Variants in DRG1 observed in about 807,000 individuals in gnomAD.
DRG1 encodes the protein developmentally-regulated GTP-binding protein 1.
In DRG1, 19 loss-of-function variants were observed where a neutral mutation model predicts 38.8. The ratio of observed to expected loss-of-function variants is 0.49; its 90% CI spans 0.34 to 0.72. DRG1 has a LOEUF of 0.72. Ranked by LOEUF, DRG1 falls within the 30% of genes least tolerant of loss-of-function variation. DRG1 has a pLI of 0.01. For missense variants in DRG1, 299 were observed against 444.8 expected (o/e 0.67, Z 2.95); for synonymous variants, 167 against 157.5 (o/e 1.06, Z -0.45).
intron 8 of DRG1, among the ~76,000 whole-genome samples, chr22:31,432,677 G>A: frequency 6.6e-6 from 1 of 151,130 alleles, no homozygotes; most frequent in East Asian, 2.0e-4. Context: ...CCGCCCGCCT[G>A]GGCCTCCCAA....
At chr22:31,405,939 C>T (rs1280909575) in intron 3 of DRG1, among the ~76,000 whole-genome samples, 2 of 151,664 alleles carry the variant, frequency 1.3e-5, no homozygotes, top group African/African-American at 2.4e-5. Flanking sequence ...CCACCCGCCT[C>T]GGCCTCCCAA....
intron 8 of DRG1, among the ~76,000 whole-genome samples, chr22:31,427,888 C>T (rs540543374): frequency 6.6e-6 from 1 of 152,078 alleles, no homozygotes; most frequent in Non-Finnish European, 1.5e-5. Context: ...CATGTGCCAC[C>T]CACCATGCCC....
chr22:31,409,197 G>A (rs2050005600), intron 3 of DRG1, among the ~76,000 whole-genome samples: 1 of 152,116 alleles, frequency 6.6e-6, no homozygotes, highest in South Asian at 2.1e-4. Context: ...CCATTCTTGT[G>A]CCTCAGCCTC....
At position 31,429,889 on chromosome 22, in the gene DRG1, A is replaced by T. The variant is rs533476064; in HGVS notation, c.1004+2707A>T. ...GGTCTCCAATGCCTGGGCTCTAGTG[A>T]TCCGCCTACCTTCACCTCCCAAAGT... On this transcript the variant is annotated intron_variant, in intron 8 of 8. Transcript: ENST00000331457. Among the ~76,000 whole-genome samples the T allele has an allele frequency of 1.6e-4, 24 of 152,116 alleles. No individual in the cohort carries two copies. In the South Asian group the frequency reaches 4.8e-3, roughly 30 times the overall value.
In DRG1 at chr22:31,400,696, G is replaced by A; in HGVS notation, c.119G>A (p.Arg40Gln). Reference sequence around the variant, plus strand: ...AAGGCTCGTCTTGCTAAGCTTCGTCGAGAACTCATTACTCCAAAGGGTGGT... The same window carrying A: ...AAGGCTCGTCTTGCTAAGCTTCGTCAAGAACTCATTACTCCAAAGGGTGGT... ...LLKARLAKLR[R>Q]ELITPKGGGG... Residue 40 changes from arginine to glutamine, a missense_variant, in exon 2 of 9, where the codon CGA (arginine) becomes CAA (glutamine). Physicochemically the swap from Arg to Gln is conservative, Grantham distance 43. This residue lies in a region of DRG1 where 51 missense variants were observed against 56.1 expected (regional missense o/e 0.91). Transcript: ENST00000331457. The A allele has an allele frequency of 6.2e-7, 1 of 1,613,414 alleles. No individual in the cohort carries two copies. Among genetic ancestry groups the A allele is most frequent in the Non-Finnish European group, 8.5e-7 (1 of 1,179,592 alleles).
chr22:31,426,051 A>C (rs2050108445), intron 6 of DRG1, among the ~76,000 whole-genome samples: 1 of 152,206 alleles, frequency 6.6e-6, no homozygotes, highest in Non-Finnish European at 1.5e-5. Context: ...TGTACCAATA[A>C]ATAAAACACT....
intron 3 of DRG1, among the ~76,000 whole-genome samples, chr22:31,404,914 C>T (rs2049981196): frequency 1.3e-5 from 2 of 152,132 alleles, no homozygotes; most frequent in Non-Finnish European, 2.9e-5. Context: ...TGAGCCACTG[C>T]ACCAGGCCCC....
At chr22:31,417,042 C>T (rs2050048221) in intron 4 of DRG1, among the ~76,000 whole-genome samples, 1 of 149,602 alleles carries the variant, frequency 6.7e-6, no homozygotes, top group Non-Finnish European at 1.5e-5. Flanking sequence ...GCAGCCTGGG[C>T]AGCACACAGA....
chr22:31,419,841 C>T (rs147116698), intron 4 of DRG1, among the ~76,000 whole-genome samples: 10 of 152,158 alleles, frequency 6.6e-5, no homozygotes, highest in African/African-American at 2.4e-4. Context: ...CTCAGGAGTT[C>T]GAGACCAGCC....
At position 31,403,154 on chromosome 22, in the gene DRG1, A is replaced by C; in HGVS notation, c.292A>C (p.Thr98Pro). The C allele has an allele frequency of 6.2e-7, 1 of 1,613,926 alleles. No homozygotes were observed. The highest frequency in any genetic ancestry group is 8.5e-7 in the Non-Finnish European group (1 of 1,179,976). The change falls in exon 3 of 9, where the codon ACT becomes CCT. Residue 98 changes from threonine (T) to proline (P), a missense_variant. Physicochemically the swap from Thr to Pro is conservative, Grantham distance 38. Around this residue, in one of 3 missense-constraint regions of DRG1, gnomAD observed 50 missense variants for 120.6 expected, o/e 0.41. Transcript: ENST00000331457. ...TGAGGTGGCAGCCTATGAATTCACTACTCTGACCACTGTGCCTGGTGTCAT... is the reference window on the plus strand; with the variant it reads ...TGAGGTGGCAGCCTATGAATTCACTCCTCTGACCACTGTGCCTGGTGTCAT... ...YSEVAAYEFT[T>P]LTTVPGVIRY... is the part of the protein sequence containing the mutation.
chr22:31,415,881 G>T lies in DRG1; in HGVS notation c.413-4375G>T, dbSNP rs79699951. Among the ~76,000 whole-genome samples, 4 of 151,196 alleles carry T rather than the reference G, an allele frequency of 2.6e-5. No homozygotes were observed. In the South Asian group the frequency reaches 8.3e-4, roughly 31 times the overall value. On this transcript the variant is annotated intron_variant, in intron 4 of 8. Coordinates refer to ENST00000331457, the MANE Select transcript of DRG1 (RefSeq NM_004147.4). ...CTTCTTTTTTTTTCCCCTTTGATTC[G>T]TAGTGACTGCAAACTCTTCACCTAT...
At chr22:31,415,130 A>T (rs2050037417) in intron 4 of DRG1, among the ~76,000 whole-genome samples, 1 of 152,036 alleles carries the variant, frequency 6.6e-6, no homozygotes, top group South Asian at 2.1e-4. Context: ...CTAGGCAGTG[A>T]TTGTTGTCTT....
intron 6 of DRG1, among the ~76,000 whole-genome samples, chr22:31,425,367 C>A (rs867121106): frequency 7.2e-5 from 11 of 151,848 alleles, no homozygotes; most frequent in Non-Finnish European, 8.8e-5. Context: ...TACAGAAGTC[C>A]GAGCAGGCCA....
At chr22:31,416,399 G>T (rs1175360537) in intron 4 of DRG1, among the ~76,000 whole-genome samples, 2 of 152,186 alleles carry the variant, frequency 1.3e-5, no homozygotes, top group Non-Finnish European at 2.9e-5. Context: ...TACGGTAAAT[G>T]ACCTGGCCCC....
intron 4 of DRG1, among the ~76,000 whole-genome samples, chr22:31,419,206 G>T (rs1402246746): frequency 6.6e-6 from 1 of 152,066 alleles, no homozygotes; most frequent in East Asian, 1.9e-4. Context: ...GGGAGACCAA[G>T]GCAGGAGGAT....
chr22:31,423,887 A>T (rs1390467761), intron 6 of DRG1, among the ~76,000 whole-genome samples: 2 of 116,098 alleles, frequency 1.7e-5, no homozygotes, highest in African/African-American at 3.4e-5. Context: ...TTTTTGAGAT[A>T]GAGTTTCGCT....
chr22:31,419,582 A>C (rs2050064527), intron 4 of DRG1, among the ~76,000 whole-genome samples: 1 of 152,134 alleles, frequency 6.6e-6, no homozygotes, highest in African/African-American at 2.4e-5. Context: ...GGCTGGCAAT[A>C]GTGGGGAAGA....
chr22:31,408,752 CAAAAAAAA>C (rs66474618), intron 3 of DRG1, among the ~76,000 whole-genome samples: 8 of 111,478 alleles, frequency 7.2e-5, no homozygotes, highest in Admixed American at 2.1e-4. Context: ...GACTCATTCT[CAAAAAAAA>C]AAAAAAAAAA....
intron 2 of DRG1, among the ~76,000 whole-genome samples, chr22:31,401,153 T>G (rs967984917): frequency 6.6e-6 from 1 of 151,254 alleles, no homozygotes; most frequent in Non-Finnish European, 1.5e-5. Flanking sequence ...GTGCAGTGGC[T>G]CACCCTTGTA....
Sources: gnomAD v4.1 joint callset for allele counts (sites outside exome capture counted in the v4.1 genomes callset) on GRCh38, gnomAD v4.1.1 for gene constraint, gnomAD v4.1.1 regional missense constraint, MANE v1.5 for transcripts, NCBI Gene and HGNC (gene_info 2026-07-23, HGNC 2026-07-21) for gene names.